Variants in TEX9 observed in about 807,000 individuals in gnomAD.
TEX9 encodes testis-expressed protein 9.
In TEX9, 74 loss-of-function variants were observed where a neutral mutation model predicts 59.6. The observed-to-expected ratio is 1.24, with a 90% confidence interval of 1.03 to 1.51. The LOEUF (loss-of-function observed/expected upper bound fraction) is 1.51, where lower values mean the gene tolerates loss of function less well. Ranked by LOEUF, TEX9 falls within the 40% of genes most tolerant of loss-of-function variation. TEX9 has a pLI of 0.00. For synonymous variants in TEX9, 186 were observed against 152.2 expected, an observed-to-expected ratio of 1.22 and a Z score of -1.64; for missense variants, 522 against 447.8, an observed-to-expected ratio of 1.17 and a Z score of -1.49.
intron 1 of TEX9, among the ~76,000 whole-genome samples, chr15:56,256,670 T>A (rs2044152112): frequency 6.6e-6 from 1 of 152,014 alleles, no homozygotes; most frequent in African/African-American, 2.4e-5. Context: ...GAGAGAGTTA[T>A]CAGCATTAGA....
intron 6 of TEX9, among the ~76,000 whole-genome samples, chr15:56,390,585 A>G (rs1310924922): frequency 6.6e-6 from 1 of 152,042 alleles, no homozygotes; most frequent in East Asian, 1.9e-4. Context: ...TTAGGCCTGG[A>G]CTATTCCTCA....
At chr15:56,424,667 G>A (rs1567140392) in intron 10 of TEX9, among the ~76,000 whole-genome samples, 1 of 151,918 alleles carries the variant, frequency 6.6e-6, no homozygotes, top group Non-Finnish European at 1.5e-5. Flanking sequence ...TTGTGTTACT[G>A]GTGTCACAAA....
chr15:56,344,992 T>C (rs2046441112), intron 1 of TEX9, among the ~76,000 whole-genome samples: 1 of 150,728 alleles, frequency 6.6e-6, no homozygotes, highest in Non-Finnish European at 1.5e-5. Flanking sequence ...CTGCTTGTTT[T>C]GTTTATTGAT....
chr15:56,255,459 T>C (rs529199670), intron 1 of TEX9, among the ~76,000 whole-genome samples: 1 of 151,808 alleles, frequency 6.6e-6, no homozygotes, highest in Non-Finnish European at 1.5e-5. Flanking sequence ...ACATGACACA[T>C]GGACAGAATT....
At chr15:56,427,452 A>G (rs2050352806) in intron 10 of TEX9, among the ~76,000 whole-genome samples, 153 bp from the exon 11 acceptor site, 1 of 152,176 alleles carries the variant, frequency 6.6e-6, no homozygotes, top group Non-Finnish European at 1.5e-5. Flanking sequence ...ATCAAATTCC[A>G]GTAATTCGGT....
In TEX9 at chr15:56,365,566, G is replaced by C; in HGVS notation, c.28-13G>C. 5.0e-6 allele frequency: 8 copies of C among 1,614,182 alleles called. No individual in the cohort carries two copies. The highest frequency in any genetic ancestry group is 6.8e-6 in the Non-Finnish European group (8 of 1,180,034). ...TTTAACTTCGGGTCTGAAAGTCTGT[G>C]GCTCTTTTACAGAGAAGCAGCGTTC... is the stretch of plus-strand genomic sequence containing the variant. On this transcript the variant is annotated splice_polypyrimidine_tract_variant and intron_variant, in intron 1 of 12. Transcript: ENST00000352903.
At chr15:56,431,444 C>T in intron 12 of TEX9, 1 of 1,613,636 alleles carries the variant, frequency 6.2e-7, no homozygotes, top group South Asian at 1.1e-5. Flanking sequence ...TCAATAATTG[C>T]ATTAATAAAT....
chr15:56,386,351 TG>T (rs1222368751), intron 4 of TEX9, among the ~76,000 whole-genome samples: 5 of 151,912 alleles, frequency 3.3e-5, no homozygotes, highest in Admixed American at 6.6e-5. Context: ...GTGGTTGTGG[TG>T]GTTATGTGAC....
intron 2 of TEX9, among the ~76,000 whole-genome samples, chr15:56,371,259 T>C (rs2047179344): frequency 6.6e-6 from 1 of 152,228 alleles, no homozygotes; most frequent in Non-Finnish European, 1.5e-5. Flanking sequence ...TATCTCCTTG[T>C]AGGTGATTTA....
At chr15:56,324,644 A>C (rs536620657) in intron 1 of TEX9, among the ~76,000 whole-genome samples, 1 of 152,290 alleles carries the variant, frequency 6.6e-6, no homozygotes, top group Admixed American at 6.5e-5. Flanking sequence ...AATGTGGTGA[A>C]CTCATTATTT....
intron 1 of TEX9, among the ~76,000 whole-genome samples, chr15:56,355,795 T>A (rs1291862072): frequency 6.6e-6 from 1 of 152,080 alleles, no homozygotes; most frequent in Non-Finnish European, 1.5e-5. Context: ...TTGTACATGT[T>A]TTGGTAGATT....
intron 1 of TEX9, among the ~76,000 whole-genome samples, chr15:56,289,915 G>A (rs548997407): frequency 7.9e-5 from 12 of 152,312 alleles, no homozygotes; most frequent in African/African-American, 2.9e-4. Context: ...AGACATGCTC[G>A]GAGTTACAAA....
chr15:56,323,023 T>C (rs2045937586), intron 1 of TEX9, among the ~76,000 whole-genome samples: 1 of 152,080 alleles, frequency 6.6e-6, no homozygotes, highest in Non-Finnish European at 1.5e-5. Context: ...GCTATGGCAG[T>C]ACACTGAGCT....
intron 3 of TEX9, among the ~76,000 whole-genome samples, chr15:56,382,974 C>A (rs76065980): frequency 0.011 from 1,600 of 152,234 alleles, 18 homozygotes; most frequent in Middle Eastern, 0.034. Context: ...GAAAATGGAG[C>A]CATTGTATCC....
In TEX9 at chr15:56,322,381, T is replaced by G. The variant is rs80278650; in HGVS notation, c.-106-51060T>G. Among the ~76,000 whole-genome samples, 1,181 of 152,164 alleles carry G rather than the reference T, an allele frequency of 7.8e-3. 17 individuals are homozygous for G. Among genetic ancestry groups the G allele is most frequent in the African/African-American group, 0.028 (1,142 of 41,506 alleles). On this transcript the variant is annotated intron_variant, in intron 1 of 5. Transcript: ENST00000560827. ...CTGGCTCTTATATGGAGAAGAAACA[T>G]TAGGGGGCAATTATGGAATTAAGAA...
chr15:56,455,776 A>T, the TEX9 span, among the ~76,000 whole-genome samples: 1 of 152,130 alleles, frequency 6.6e-6, no homozygotes, highest in Non-Finnish European at 1.5e-5. Context: ...AATAATTTAA[A>T]CTGTAATCAG....
At chr15:56,434,225 A>G in intron 12 of TEX9, 1 of 1,613,876 alleles carries the variant, frequency 6.2e-7, no homozygotes, top group Non-Finnish European at 8.5e-7. Flanking sequence ...TTTGTTTCTG[A>G]GCATTCATTA....
intron 1 of TEX9, among the ~76,000 whole-genome samples, chr15:56,288,196 G>A (rs1306132866): frequency 6.6e-6 from 1 of 151,994 alleles, no homozygotes; most frequent in Non-Finnish European, 1.5e-5. Flanking sequence ...CTTATCTTTT[G>A]TCTTTTTGAT....
intron 1 of TEX9, among the ~76,000 whole-genome samples, chr15:56,255,430 A>G (rs1272183948): frequency 2.0e-5 from 3 of 152,082 alleles, no homozygotes; most frequent in African/African-American, 7.2e-5. Flanking sequence ...AAAAAAGTCA[A>G]GCCATCAGTG....
Sources: allele counts gnomAD v4.1 joint callset (sites outside exome capture counted in the v4.1 genomes callset), GRCh38; gene constraint gnomAD v4.1.1; transcripts MANE v1.5; gene names NCBI Gene and HGNC (gene_info 2026-07-23, HGNC 2026-07-21).